HDAC8: variants seen among roughly 807,000 people sequenced by gnomAD.
The protein encoded by HDAC8 is histone deacetylase 8.
A neutral mutation model predicts 32.2 loss-of-function variants in HDAC8; 1 was observed. The ratio of observed to expected loss-of-function variants is 0.03; its 90% CI spans 0.01 to 0.15. HDAC8 has a LOEUF of 0.15. Ranked by LOEUF, HDAC8 falls within the 10% of genes least tolerant of loss-of-function variation. The pLI is 1.00. For synonymous variants in HDAC8, 108 were observed against 113.9 expected, an observed-to-expected ratio of 0.95 and a Z score of 0.33; for missense variants, 117 against 300.0, an observed-to-expected ratio of 0.39 and a Z score of 4.51.
At chrX:72,345,502 G>A (rs1555946629) in intron 10 of HDAC8, among the ~76,000 whole-genome samples, 1 of 111,273 alleles carries the variant, frequency 9.0e-6, no homozygotes, top group East Asian at 2.8e-4. Flanking sequence ...TGTATGTGAA[G>A]TACCCAGCAC....
chrX:72,400,248 T>C (rs73498341), intron 9 of HDAC8, among the ~76,000 whole-genome samples: 1 of 112,008 alleles, frequency 8.9e-6, no homozygotes, highest in African/African-American at 3.2e-5. Flanking sequence ...ACTCATAGTT[T>C]TAAAGTCTAC....
At chrX:72,338,210 G>C (rs1049584621) in intron 10 of HDAC8, among the ~76,000 whole-genome samples, 16 of 111,771 alleles carry the variant, frequency 1.4e-4, no homozygotes, top group South Asian at 3.7e-4. Context: ...TGCTGTCTTG[G>C]TCATTACTCT....
At chrX:72,486,636 C>A (rs1042978956) in intron 7 of HDAC8, among the ~76,000 whole-genome samples, 6 of 111,578 alleles carry the variant, frequency 5.4e-5, no homozygotes, top group Non-Finnish European at 1.1e-4. Context: ...GTGATCATGC[C>A]ATTGCACTCC....
At chrX:72,440,100 AG>A (rs1303044590) in intron 9 of HDAC8, among the ~76,000 whole-genome samples, 3 of 112,197 alleles carry the variant, frequency 2.7e-5, no homozygotes, top group Non-Finnish European at 5.6e-5. Context: ...CAAATGCAAA[AG>A]AACGGAAATC....
At chrX:72,414,442 G>A (rs1170100372) in intron 9 of HDAC8, among the ~76,000 whole-genome samples, 5 of 111,712 alleles carry the variant, frequency 4.5e-5, no homozygotes, top group African/African-American at 9.8e-5. Context: ...TTGTTAGAGC[G>A]AAATAACTAA....
chrX:72,458,465 C>A (rs144181625), intron 9 of HDAC8, among the ~76,000 whole-genome samples: 1,994 of 112,375 alleles, frequency 0.018, 15 homozygotes, highest in Non-Finnish European at 0.03. Flanking sequence ...CATGGATACA[C>A]CTGTTTCCTA....
rs1489743215 is a variant in HDAC8, at chrX:72,534,318, T to A, written c.437+33571A>T. Among the ~76,000 whole-genome samples, 133 of 105,675 alleles carry A rather than the reference T, an allele frequency of 1.3e-3. 1 individual carries two copies. The highest frequency in any genetic ancestry group is 4.2e-3 in the African/African-American group (124 of 29,203). The allele number at this position is 105,675 out of a possible 115,157, so 91.8% of individuals were successfully genotyped here. A position where few individuals can be genotyped will look rare whatever the true frequency, so the allele number is the denominator to read the frequency against. On this transcript the variant is annotated intron_variant, in intron 4 of 10. Transcript: ENST00000373573. ...ATATATGTGTATATATATATATATTTTTTTTTTTTTGAGAAAGTCTCATTC... is the reference window on the plus strand; with the variant it reads ...ATATATGTGTATATATATATATATTATTTTTTTTTTGAGAAAGTCTCATTC...
chrX:72,470,888 A>G (rs1177925176), intron 7 of HDAC8, among the ~76,000 whole-genome samples: 4 of 112,142 alleles, frequency 3.6e-5, no homozygotes, highest in African/African-American at 1.3e-4. Flanking sequence ...TCCCTCATTT[A>G]AAGTGTACAA....
At chrX:72,423,969 C>T (rs892011444) in intron 9 of HDAC8, among the ~76,000 whole-genome samples, 3 of 112,098 alleles carry the variant, frequency 2.7e-5, no homozygotes, top group South Asian at 3.7e-4. Flanking sequence ...CTTTCTCTTT[C>T]CTGGCTTATT....
At chrX:72,497,992 A>T (rs2148152267) in intron 4 of HDAC8, among the ~76,000 whole-genome samples, 1 of 111,113 alleles carries the variant, frequency 9.0e-6, no homozygotes, top group South Asian at 3.8e-4. Flanking sequence ...AGAAGTTGTT[A>T]TAAAGGATGC....
intron 7 of HDAC8, among the ~76,000 whole-genome samples, chrX:72,484,258 T>C (rs1368347447): frequency 8.9e-6 from 1 of 112,003 alleles, no homozygotes; most frequent in Non-Finnish European, 1.9e-5. Flanking sequence ...ATGACTACTA[T>C]TATGAACTCT....
chrX:72,470,299 T>G (rs782764085), intron 7 of HDAC8, among the ~76,000 whole-genome samples: 3 of 111,618 alleles, frequency 2.7e-5, no homozygotes, highest in Non-Finnish European at 5.6e-5. Flanking sequence ...CATAGTTTGT[T>G]GTGTATCTTT....
chrX:72,365,454 CA>C (rs1252804221), intron 9 of HDAC8, among the ~76,000 whole-genome samples: 1 of 111,189 alleles, frequency 9.0e-6, no homozygotes. Flanking sequence ...AGTCATTTCT[CA>C]AGGGAAATTC....
chrX:72,337,045 C>G (rs1569224499), intron 10 of HDAC8, among the ~76,000 whole-genome samples: 2 of 112,434 alleles, frequency 1.8e-5, no homozygotes, highest in East Asian at 2.8e-4. Flanking sequence ...CTACTGCACT[C>G]AGCCTCTTTT....
intron 4 of HDAC8, among the ~76,000 whole-genome samples, chrX:72,549,114 A>C (rs782675109): frequency 3.6e-5 from 4 of 111,842 alleles, no homozygotes; most frequent in African/African-American, 1.3e-4. Context: ...CTTCTGTTGC[A>C]GATGCATGCG....
At chrX:72,381,397 G>T (rs1555959882) in intron 9 of HDAC8, among the ~76,000 whole-genome samples, 1 of 111,271 alleles carries the variant, frequency 9.0e-6, no homozygotes, top group African/African-American at 3.3e-5. Context: ...AGAGGACATG[G>T]TCTCTTCTTT....
chrX:72,459,566 G>T (rs1207753308), intron 9 of HDAC8, among the ~76,000 whole-genome samples: 1 of 110,799 alleles, frequency 9.0e-6, no homozygotes, highest in African/African-American at 3.3e-5. Flanking sequence ...GCTCATGGAG[G>T]GCAGGGTATT....
At chrX:72,442,572 T>C (rs2047192579) in intron 9 of HDAC8, among the ~76,000 whole-genome samples, 1 of 111,852 alleles carries the variant, frequency 8.9e-6, no homozygotes, top group African/African-American at 3.3e-5. Context: ...TGCCAGCTAC[T>C]GCGAAATCAT....
At chrX:72,363,797 C>T (rs782660370) in intron 9 of HDAC8, among the ~76,000 whole-genome samples, 1 of 112,300 alleles carries the variant, frequency 8.9e-6, no homozygotes, top group East Asian at 2.8e-4. Context: ...TGGTCTTGAA[C>T]TCCTGACCTC....
Sources: gnomAD v4.1 joint callset for allele counts (sites outside exome capture counted in the v4.1 genomes callset) on GRCh38, gnomAD v4.1.1 for gene constraint, MANE v1.5 for transcripts, NCBI Gene and HGNC (gene_info 2026-07-23, HGNC 2026-07-21) for gene names.